The following NVL variants were observed in gnomAD, a reference collection of about 807,000 sequenced individuals.
NVL encodes nuclear VCP like.
In NVL, 84 loss-of-function variants were observed where a neutral mutation model predicts 110.2. That is an observed-to-expected ratio of 0.76 (90% CI 0.64 to 0.91). The LOEUF is 0.91. Ranked by LOEUF, NVL falls within the 40% of genes least tolerant of loss-of-function variation. NVL has a pLI of 0.00. For missense variants in NVL, 882 were observed against 1,035.9 expected (o/e 0.85, Z 2.04); for synonymous variants, 354 against 361.1 (o/e 0.98, Z 0.22).
At chr1:224,327,741 G>A (rs958897917) in intron 1 of NVL, among the ~76,000 whole-genome samples, 1 of 151,130 alleles carries the variant, frequency 6.6e-6, no homozygotes, top group Non-Finnish European at 1.5e-5. Context: ...AATGTCAAAC[G>A]CTGAAAAGAG....
intron 6 of NVL, among the ~76,000 whole-genome samples, chr1:224,306,913 G>A (rs1668977715): frequency 6.6e-6 from 1 of 152,098 alleles, no homozygotes; most frequent in South Asian, 2.1e-4. Context: ...GGATGATATG[G>A]ATAATTAAAG....
At chr1:224,261,821 T>C (rs1401872291) in intron 18 of NVL, among the ~76,000 whole-genome samples, 3 of 150,466 alleles carry the variant, frequency 2.0e-5, no homozygotes, top group African/African-American at 7.3e-5. Flanking sequence ...ATTAGCTGGG[T>C]GTAGTGGTGC....
intron 15 of NVL, 29 bp downstream of exon 15, chr1:224,285,997 A>C: frequency 6.6e-7 from 1 of 1,507,456 alleles, no homozygotes; most frequent in East Asian, 2.3e-5. Flanking sequence ...CTAAGAAATA[A>C]ATTACATGCA....
intron 10 of NVL, among the ~76,000 whole-genome samples, chr1:224,299,693 C>G (rs1288146380): frequency 6.6e-6 from 1 of 152,226 alleles, no homozygotes; most frequent in Non-Finnish European, 1.5e-5. Flanking sequence ...ACAGGTAGCA[C>G]CTGAGAAAGT....
chr1:224,329,079 T>C (rs1671428690), intron 1 of NVL, among the ~76,000 whole-genome samples: 1 of 151,758 alleles, frequency 6.6e-6, no homozygotes, highest in Non-Finnish European at 1.5e-5. Context: ...GGTGTGGTGG[T>C]GCACACCTGT....
chr1:224,320,658 AAAC>A (rs897568376), intron 2 of NVL, among the ~76,000 whole-genome samples: 2 of 152,016 alleles, frequency 1.3e-5, no homozygotes, highest in Non-Finnish European at 2.9e-5. Flanking sequence ...AAAAAAAAAA[AAAC>A]TTTATGTTTT....
chr1:224,302,712 T>C (rs1668537597), intron 9 of NVL, among the ~76,000 whole-genome samples: 1 of 152,192 alleles, frequency 6.6e-6, no homozygotes, highest in Non-Finnish European at 1.5e-5. Flanking sequence ...TTTAGCTATA[T>C]GAAAAATAAT....
chr1:224,287,067 T>C (rs903600325), intron 14 of NVL, among the ~76,000 whole-genome samples: 2 of 152,172 alleles, frequency 1.3e-5, no homozygotes, highest in East Asian at 3.8e-4. Context: ...AAAATAGGTC[T>C]CAATGGAATA....
chr1:224,234,877 T>G (rs1660293311), intron 20 of NVL, among the ~76,000 whole-genome samples: 1 of 152,156 alleles, frequency 6.6e-6, no homozygotes, highest in South Asian at 2.1e-4. Context: ...ACTTGGTATA[T>G]CCAAAAGATT....
chr1:224,300,571 C>G lies in NVL; in HGVS notation c.1053G>C (p.Glu351Asp), dbSNP rs1475971487. ...ESEQKLRELF[E>D]QAVSNAPCII... ...TCATTAACTGACTCACCACAGCTTG[C>G]TCAAATAGTTCTCTCAGCTTCTGCT... The change falls in exon 10 of 23, where the codon GAG becomes GAC. Residue 351 changes from glutamate (E) to aspartate (D), a missense_variant. Coordinates refer to ENST00000281701, the MANE Select transcript of NVL (RefSeq NM_002533.4). 6.2e-7 allele frequency: 1 copy of G among 1,613,080 alleles called. No homozygotes were observed. Among genetic ancestry groups the G allele is most frequent in the African/African-American group, 1.3e-5 (1 of 74,894 alleles).
intron 8 of NVL, 148 bp from the exon 9 acceptor site, chr1:224,304,005 C>T: frequency 1.2e-6 from 1 of 817,952 alleles, no homozygotes; most frequent in Non-Finnish European, 1.8e-6. Context: ...GGCTCTGGTA[C>T]CTACTGTGTG....
chr1:224,243,687 G>C (rs1458595402), intron 19 of NVL, among the ~76,000 whole-genome samples: 1 of 140,878 alleles, frequency 7.1e-6, no homozygotes, highest in Non-Finnish European at 1.5e-5. Context: ...TTTGAGATGA[G>C]GTCTCGATCT....
chr1:224,230,646 G>A (rs1256612644), intron 22 of NVL, among the ~76,000 whole-genome samples: 1 of 151,980 alleles, frequency 6.6e-6, no homozygotes, highest in Non-Finnish European at 1.5e-5. Context: ...GGCAGAAGAG[G>A]TCATTCTCTT....
chr1:224,304,623 TC>T (rs1441096706), intron 8 of NVL, 112 bp downstream of exon 8: 63 of 888,094 alleles, frequency 7.1e-5, no homozygotes, highest in Non-Finnish European at 1.1e-4. Context: ...TTCTCAACCT[TC>T]CCAGTTTCCT....
intron 17 of NVL, among the ~76,000 whole-genome samples, chr1:224,272,489 G>A (rs1363075014): frequency 6.6e-6 from 1 of 151,422 alleles, no homozygotes; most frequent in Non-Finnish European, 1.5e-5. Context: ...AGGCCAAGGC[G>A]AGTGGATCAC....
Position 224,305,080 on chromosome 1 carries a change from ATCT to A in NVL, c.699_701del (p.Glu233del). The A allele has an allele frequency of 6.2e-7, 1 of 1,613,848 alleles. No homozygotes were observed. The highest frequency in any genetic ancestry group is 8.5e-7 in the Non-Finnish European group (1 of 1,179,946). On this transcript the variant is annotated inframe_deletion, in exon 7 of 23. Coordinates refer to ENST00000281701, the MANE Select transcript of NVL (RefSeq NM_002533.4). ...CAATTTCTCCATCTACTTCCTGAAG[ATCT>A]TCTTTCTTCCTTTTGCTTCCTTTAT... is the stretch of plus-strand genomic sequence containing the variant.
Position 224,326,420 on chromosome 1 carries a change from G to A in NVL, c.102C>T (p.Val34=). ...NKCGKYVDIG[V]LASDLQRVYS... is the part of the protein sequence containing the mutation. ...ACACTCTTTGTAAATCAGACGCTAA[G>A]ACTCCAATGTCCACATATTTGCCAC... is the stretch of plus-strand genomic sequence containing the variant. The change falls in exon 2 of 23, where the codon GTC becomes GTT. Residue 34 remains valine, a synonymous_variant. Transcript: ENST00000281701. 1 of 1,612,572 alleles carries A rather than the reference G, an allele frequency of 6.2e-7. No homozygotes were observed. Among genetic ancestry groups the A allele is most frequent in the South Asian group, 1.1e-5 (1 of 90,866 alleles).
In NVL at chr1:224,286,065, A is replaced by G; in HGVS notation, c.1860T>C (p.Leu620=). 6.2e-7 allele frequency: 1 copy of G among 1,614,118 alleles called. No individual in the cohort carries two copies. Among genetic ancestry groups the G allele is most frequent in the South Asian group, 1.1e-5 (1 of 91,086 alleles). Residue 620 remains leucine, a synonymous_variant, in exon 15 of 23, where the codon CTT becomes CTC. Transcript: ENST00000281701. ...LGLVTPAGVL[L]AGPPGCGKTL... Reference sequence around the variant, plus strand: ...TCTTCCCACAGCCAGGAGGACCAGCAAGGAGGACCCCAGCTGGAGTCACCA... The same window carrying G: ...TCTTCCCACAGCCAGGAGGACCAGCGAGGAGGACCCCAGCTGGAGTCACCA...
chr1:224,311,984 C>CA, intron 4 of NVL, 127 bp from the exon 5 acceptor site: 1 of 672,522 alleles, frequency 1.5e-6, no homozygotes, highest in African/African-American at 1.8e-5. Context: ...ACTCTGGAAT[C>CA]AGAGAAACTA....
Sources: gnomAD v4.1 joint callset for allele counts (sites outside exome capture counted in the v4.1 genomes callset) on GRCh38, gnomAD v4.1.1 for gene constraint, MANE v1.5 for transcripts, NCBI Gene and HGNC (gene_info 2026-07-23, HGNC 2026-07-21) for gene names.